The following KCNQ1 variants were observed in gnomAD, a reference collection of about 807,000 sequenced individuals.
KCNQ1 encodes the protein potassium voltage-gated channel subfamily Q member 1.
KCNQ1 carries 49 observed loss-of-function variants against 72.4 expected under a neutral mutation model. That is an observed-to-expected ratio of 0.68 (90% confidence interval 0.54 to 0.86). KCNQ1 has a LOEUF of 0.86. Among genes scored for constraint, KCNQ1 ranks in the 40% least tolerant of loss-of-function variants. KCNQ1 has a pLI of 0.00. For missense variants in KCNQ1, 790 were observed against 945.1 expected (o/e 0.84, Z 2.15); for synonymous variants, 450 against 412.6 (o/e 1.09, Z -1.10).
At chr11:2,546,735 T>C (rs191297270) in intron 2 of KCNQ1, among the ~76,000 whole-genome samples, 15 of 152,360 alleles carry the variant, frequency 9.8e-5, no homozygotes, top group Non-Finnish European at 1.8e-4. Flanking sequence ...CATATGATAT[T>C]TCAATACAAG....
chr11:2,503,299 G>A (rs1188868852), intron 1 of KCNQ1, among the ~76,000 whole-genome samples: 4 of 152,154 alleles, frequency 2.6e-5, no homozygotes, highest in African/African-American at 7.2e-5. Flanking sequence ...ACCAGAATAT[G>A]TAAGGAGCTC....
intron 15 of KCNQ1, among the ~76,000 whole-genome samples, chr11:2,825,564 T>G: frequency 6.6e-6 from 1 of 152,006 alleles, no homozygotes; most frequent in Non-Finnish European, 1.5e-5. Flanking sequence ...GGGTTAGATG[T>G]CGTCGTCTTC....
Position 2,827,960 on chromosome 11 carries a change from G to A in KCNQ1, c.1795-19807G>A, listed in dbSNP as rs1429176587. On this transcript the variant is annotated intron_variant, in intron 15 of 15. Coordinates refer to ENST00000155840, the MANE Select transcript of KCNQ1 (RefSeq NM_000218.3). This position sits in a 1 kb window ranked among gnomAD's most constrained non-coding sequence, Gnocchi z 6.7. ...AACCCTATGGTGGTGTTGGCCCTGA[G>A]TCCAAGCCAGGCACCACCGGGCACA... Among the ~76,000 whole-genome samples the A allele has an allele frequency of 6.6e-6, 1 of 152,202 alleles. No individual in the cohort carries two copies. The highest frequency in any genetic ancestry group is 2.4e-5 in the African/African-American group (1 of 41,440).
chr11:2,634,331 C>A (rs1849418003), intron 10 of KCNQ1: 2 of 270,616 alleles, frequency 7.4e-6, no homozygotes, highest in Non-Finnish European at 1.4e-5. Flanking sequence ...CCCCCCTCCC[C>A]CCCCACCCCA....
chr11:2,676,840 GAC>G lies in KCNQ1; in HGVS notation c.1514+14762_1514+14763del. 1 of 398,492 alleles carries G rather than the reference GAC, an allele frequency of 2.5e-6. No homozygotes were observed. The highest frequency in any genetic ancestry group is 1.3e-4 in the South Asian group (1 of 7,852). 24.7% of individuals were successfully genotyped at this position (398,492 alleles called of 1,614,324 possible). ...TCTACCACAGGGGTCATGTTGTAATGACACCTGTCAGCTTTGACTGGGGAGCC... is the reference window on the plus strand; with the variant it reads ...TCTACCACAGGGGTCATGTTGTAATGACCTGTCAGCTTTGACTGGGGAGCC... On this transcript the variant is annotated intron_variant, in intron 11 of 15. Coordinates refer to ENST00000155840, the MANE Select transcript of KCNQ1 (RefSeq NM_000218.3). This position sits in a 1 kb window ranked among gnomAD's most constrained non-coding sequence, Gnocchi z 4.2.
In KCNQ1 at chr11:2,544,282, GTA is replaced by G. The variant is rs3032767; in HGVS notation, c.477+16274_477+16275del. Among the ~76,000 whole-genome samples the G allele has an allele frequency of 0.018, 2,545 of 141,142 alleles. 37 individuals are homozygous for G. Among genetic ancestry groups the G allele is most frequent in the Middle Eastern group, 0.065 (16 of 248 alleles). The allele number at this position is 141,142 out of a possible 152,430, so 92.6% of individuals were successfully genotyped here. ...TATGTGTGTGTGTGTATATATATGT[GTA>G]TATATATATGTATATATGTGTATAT... is the stretch of plus-strand genomic sequence containing the variant. On this transcript the variant is annotated intron_variant, in intron 2 of 15. Transcript: ENST00000155840. This position sits in a 1 kb window ranked among gnomAD's most constrained non-coding sequence, Gnocchi z 4.4.
chr11:2,705,435 G>A (rs1004000227), intron 11 of KCNQ1, among the ~76,000 whole-genome samples: 1 of 152,206 alleles, frequency 6.6e-6, no homozygotes, highest in Non-Finnish European at 1.5e-5. Context: ...CTCAGCAGCT[G>A]TCTCCTGAGC....
chr11:2,484,115 T>C lies in KCNQ1; in HGVS notation c.386+38631T>C, dbSNP rs1354692981. 1.3e-5 allele frequency among the ~76,000 whole-genome samples: 2 copies of C among 152,230 alleles called. No individual in the cohort carries two copies. Among genetic ancestry groups the C allele is most frequent in the African/African-American group, 4.8e-5 (2 of 41,458 alleles). On this transcript the variant is annotated intron_variant, in intron 1 of 15. Transcript: ENST00000155840. This position sits in a 1 kb window ranked among gnomAD's most constrained non-coding sequence, Gnocchi z 5.2. ...TATATCAGCATGGTTTCATAGATAC[T>C]TCTTTTGTGTTATGGGCTATAAGCC...
rs547248195 is a variant in KCNQ1, at chr11:2,828,388, A to G, written c.1795-19379A>G. 2.0e-5 allele frequency among the ~76,000 whole-genome samples: 3 copies of G among 152,358 alleles called. No homozygotes were observed. In the South Asian group the frequency reaches 6.2e-4, roughly 32 times the overall value. The stretch of plus-strand genomic sequence containing the variant: ...CAGTAAAGGCATGAAAAACATGGAA[A>G]CATGTAAATCAACTAGGGTAAAGTG... On this transcript the variant is annotated intron_variant, in intron 15 of 15. Coordinates refer to ENST00000155840, the MANE Select transcript of KCNQ1 (RefSeq NM_000218.3). The surrounding 1 kb of genome is among the most constrained non-coding windows in gnomAD (Gnocchi z 5.3).
rs577445002 is a variant in KCNQ1, at chr11:2,724,289, G to A, written c.1515-44555G>A. On this transcript the variant is annotated intron_variant, in intron 11 of 15. Transcript: ENST00000155840. The surrounding 1 kb of genome is among the most constrained non-coding windows in gnomAD (Gnocchi z 6.8). ...ATGTAACCACTTATTCTGTCAGGGA[G>A]GAGAGCCCTCCCGCTCCACCAGGTG... Among the ~76,000 whole-genome samples the A allele has an allele frequency of 6.6e-6, 1 of 152,348 alleles. No individual in the cohort carries two copies. The highest frequency in any genetic ancestry group is 2.1e-4 in the South Asian group (1 of 4,822).
intron 15 of KCNQ1, among the ~76,000 whole-genome samples, chr11:2,802,043 C>T (rs190250167): frequency 1.6e-4 from 24 of 152,324 alleles, no homozygotes; most frequent in Admixed American, 6.5e-4. Context: ...GAGGCGATTT[C>T]GCCAGCTGCG....
chr11:2,742,828 G>A (rs1470497390), intron 11 of KCNQ1, among the ~76,000 whole-genome samples: 7 of 152,318 alleles, frequency 4.6e-5, no homozygotes, highest in Non-Finnish European at 7.4e-5. Context: ...GTAGGCCAGC[G>A]GCTTAGGGAC....
In KCNQ1 at chr11:2,481,030, C is replaced by A. The variant is rs1276888676; in HGVS notation, c.386+35546C>A. On this transcript the variant is annotated intron_variant, in intron 1 of 15. Transcript: ENST00000155840. This position sits in a 1 kb window ranked among gnomAD's most constrained non-coding sequence, Gnocchi z 4.6. ...CTTCTCTATAAGTTTGAAATGAAAT[C>A]ATATAAATCGAAAGTTAGAAGAGAA... is the stretch of plus-strand genomic sequence containing the variant. Among the ~76,000 whole-genome samples the A allele has an allele frequency of 6.6e-6, 1 of 152,182 alleles. No individual in the cohort carries two copies. Among genetic ancestry groups the A allele is most frequent in the Non-Finnish European group, 1.5e-5 (1 of 68,030 alleles).
chr11:2,597,280 C>A (rs1229934553), intron 10 of KCNQ1, among the ~76,000 whole-genome samples: 1 of 152,134 alleles, frequency 6.6e-6, no homozygotes, highest in African/African-American at 2.4e-5. Context: ...ATAAATAAGG[C>A]AATTTCAATC....
chr11:2,504,732 G>A (rs1205724321), intron 1 of KCNQ1, among the ~76,000 whole-genome samples: 1 of 152,212 alleles, frequency 6.6e-6, no homozygotes, highest in Non-Finnish European at 1.5e-5. Context: ...ACTCCAGCCT[G>A]GGTAACAGAG....
intron 15 of KCNQ1, among the ~76,000 whole-genome samples, chr11:2,825,382 C>T (rs549423237): frequency 3.9e-5 from 6 of 152,292 alleles, no homozygotes; most frequent in South Asian, 2.1e-4. Flanking sequence ...GGGAAATGGG[C>T]GTTTCCTGTG....
chr11:2,531,608 G>A (rs1375331722), intron 2 of KCNQ1, among the ~76,000 whole-genome samples: 1 of 152,176 alleles, frequency 6.6e-6, no homozygotes, highest in Non-Finnish European at 1.5e-5. Flanking sequence ...CTGGTCAGCA[G>A]GAACCGGCCC....
intron 2 of KCNQ1, among the ~76,000 whole-genome samples, chr11:2,532,767 G>A (rs1847662490): frequency 6.6e-6 from 1 of 152,238 alleles, no homozygotes; most frequent in African/African-American, 2.4e-5. Context: ...AGCACAGGCA[G>A]AAGTCACCTG....
intron 11 of KCNQ1, among the ~76,000 whole-genome samples, chr11:2,761,643 C>G (rs964442783): frequency 1.3e-5 from 2 of 152,104 alleles, no homozygotes; most frequent in African/African-American, 4.8e-5. Flanking sequence ...TCGCCCAAGA[C>G]AGAGAGAGAG....
Sources: allele counts gnomAD v4.1 joint callset (sites outside exome capture counted in the v4.1 genomes callset), GRCh38; gene constraint gnomAD v4.1.1; non-coding constraint Gnocchi (gnomAD v3.1); transcripts MANE v1.5; gene names NCBI Gene and HGNC (gene_info 2026-07-23, HGNC 2026-07-21).